The following PTPN9 variants were observed in gnomAD, a reference collection of about 807,000 sequenced individuals.
PTPN9 encodes protein tyrosine phosphatase non-receptor type 9, also known as tyrosine-protein phosphatase non-receptor type 9.
A neutral mutation model predicts 69.8 loss-of-function variants in PTPN9; 26 were observed. The ratio of observed to expected loss-of-function variants is 0.37; its 90% confidence interval spans 0.27 to 0.52. PTPN9 has a LOEUF of 0.52. Ranked by LOEUF, PTPN9 falls within the 20% of genes least tolerant of loss-of-function variation. The pLI is 0.91. For missense variants in PTPN9, 549 were observed against 740.3 expected, an observed-to-expected ratio of 0.74 and a Z score of 3.00; for synonymous variants, 274 against 272.5, an observed-to-expected ratio of 1.01 and a Z score of -0.05.
At chr15:75,541,933 A>T (rs2075010353) in intron 1 of PTPN9, among the ~76,000 whole-genome samples, 2 of 151,678 alleles carry the variant, frequency 1.3e-5, no homozygotes, top group South Asian at 4.2e-4. Context: ...AGCTACTCAG[A>T]GGCTGAGGCA....
rs555947450 is a variant in PTPN9 at position 75,501,566 on chromosome 15, G to C, written c.968+4109C>G. ...TGTGGTCTTGACCTCCCGGGCTCAA[G>C]TGATCCTCCTGCATAGCTGGGACAA... On this transcript the variant is annotated intron_variant, in intron 7 of 12. Coordinates refer to ENST00000618819, the MANE Select transcript of PTPN9 (RefSeq NM_002833.4). 8.6e-5 allele frequency among the ~76,000 whole-genome samples: 13 copies of C among 150,538 alleles called. No homozygotes were observed. In the South Asian group the frequency reaches 2.7e-3, roughly 31 times the overall value.
At chr15:75,578,187 C>T (rs934185196) in intron 1 of PTPN9, among the ~76,000 whole-genome samples, 3 of 152,172 alleles carry the variant, frequency 2.0e-5, no homozygotes, top group African/African-American at 7.2e-5. Flanking sequence ...CTTCCATAAC[C>T]TGCCCAAGTG....
intron 7 of PTPN9, among the ~76,000 whole-genome samples, chr15:75,492,047 A>T (rs1555453939): frequency 6.6e-6 from 1 of 152,014 alleles, no homozygotes; most frequent in Non-Finnish European, 1.5e-5. Context: ...TAATTTTTAA[A>T]TTTTTTGTAG....
intron 1 of PTPN9, among the ~76,000 whole-genome samples, chr15:75,532,836 T>G (rs1480709039): frequency 6.6e-6 from 1 of 152,220 alleles, no homozygotes; most frequent in African/African-American, 2.4e-5. Context: ...TTCAACAACC[T>G]TCCTTTAGAC....
At chr15:75,525,237 G>A (rs2074922405) in intron 2 of PTPN9, among the ~76,000 whole-genome samples, 1 of 149,466 alleles carries the variant, frequency 6.7e-6, no homozygotes, top group Admixed American at 6.7e-5. Context: ...GTCTCACACT[G>A]TTGCTGAGGC....
At chr15:75,531,270 C>A (rs980592439) in intron 1 of PTPN9, among the ~76,000 whole-genome samples, 1 of 151,956 alleles carries the variant, frequency 6.6e-6, no homozygotes, top group Admixed American at 6.6e-5. Flanking sequence ...ACCAGCAAAA[C>A]CAATCAGGCA....
At chr15:75,525,586 T>A (rs2074923930) in intron 2 of PTPN9, among the ~76,000 whole-genome samples, 1 of 151,552 alleles carries the variant, frequency 6.6e-6, no homozygotes, top group Non-Finnish European at 1.5e-5. Context: ...AACAAAAAAA[T>A]ATTATCTTGG....
chr15:75,530,562 T>TTATTATATTATAATATACTATAATATA (rs2074953144), intron 1 of PTPN9, among the ~76,000 whole-genome samples: 1 of 71,370 alleles, frequency 1.4e-5, no homozygotes, highest in Non-Finnish European at 2.4e-5. Flanking sequence ...ATATTATATA[T>TTATTATATTATAATATACTATAATATA]TATTATATTA....
chr15:75,564,938 C>T (rs2141342807), intron 1 of PTPN9, among the ~76,000 whole-genome samples: 1 of 151,698 alleles, frequency 6.6e-6, no homozygotes, highest in South Asian at 2.1e-4. Flanking sequence ...CCCGTCTCTA[C>T]TAAAAATACA....
At chr15:75,552,594 G>T (rs574302765) in intron 1 of PTPN9, among the ~76,000 whole-genome samples, 32 of 151,888 alleles carry the variant, frequency 2.1e-4, no homozygotes, top group African/African-American at 7.7e-4. Context: ...GCTAATGTAA[G>T]TGCTCTGAGC....
In PTPN9 at chr15:75,464,035, T is replaced by C. The variant is rs1382106554; in HGVS notation, c.*4734A>G. On this transcript the variant is annotated 3_prime_UTR_variant, in exon 13 of 13. Coordinates refer to ENST00000618819, the MANE Select transcript of PTPN9 (RefSeq NM_002833.4). ...AACTTTAAAGGCCTATAGGCTGGTC[T>C]TGGAGATGACAGAGACCTGACCTGC... 2.6e-5 allele frequency: 4 copies of C among 152,300 alleles called. No individual in the cohort carries two copies. Among genetic ancestry groups the C allele is most frequent in the African/African-American group, 9.6e-5 (4 of 41,462 alleles). 9.4% of individuals were successfully genotyped at this position (152,300 alleles called of 1,614,324 possible).
rs568531314 is a variant in PTPN9 at position 75,558,721 on chromosome 15, G to A, written c.63+19993C>T. ...TTTTTGTATTTTTTTGGTGGAGACGGGGTTTCGCTGTGTTGGCCGGGCTGG... is the reference window on the plus strand; with the variant it reads ...TTTTTGTATTTTTTTGGTGGAGACGAGGTTTCGCTGTGTTGGCCGGGCTGG... On this transcript the variant is annotated intron_variant, in intron 1 of 12. Transcript: ENST00000618819. Among the ~76,000 whole-genome samples, 4 of 152,348 alleles carry A rather than the reference G, an allele frequency of 2.6e-5. No individual in the cohort carries two copies. In the South Asian group the frequency reaches 8.3e-4, roughly 32 times the overall value.
At chr15:75,558,753 GCTC>G (rs1331316948) in intron 1 of PTPN9, among the ~76,000 whole-genome samples, 3 of 152,194 alleles carry the variant, frequency 2.0e-5, no homozygotes, top group Non-Finnish European at 4.4e-5. Flanking sequence ...CTGGTCTCCA[GCTC>G]CTAACCGCGA....
intron 12 of PTPN9, 45 bp downstream of exon 12, chr15:75,469,747 C>T: frequency 2.5e-6 from 4 of 1,588,290 alleles, no homozygotes; most frequent in Non-Finnish European, 2.6e-6. Flanking sequence ...CCTCGTCCAC[C>T]CCTACTGCCC....
chr15:75,546,579 G>A (rs1322487639), intron 1 of PTPN9, among the ~76,000 whole-genome samples: 1 of 151,746 alleles, frequency 6.6e-6, no homozygotes, highest in East Asian at 1.9e-4. Context: ...GGAGGCAGAA[G>A]TTGCAGTGAG....
intron 7 of PTPN9, among the ~76,000 whole-genome samples, chr15:75,500,501 G>A (rs1046476754): frequency 2.0e-5 from 3 of 152,008 alleles, no homozygotes; most frequent in Non-Finnish European, 4.4e-5. Context: ...TCATACCATT[G>A]CACTCCAGCC....
intron 9 of PTPN9, among the ~76,000 whole-genome samples, chr15:75,479,414 G>A (rs1055690409): frequency 6.6e-6 from 1 of 152,120 alleles, no homozygotes; most frequent in Non-Finnish European, 1.5e-5. Flanking sequence ...CTCTGTGATG[G>A]TATAGGAACC....
At chr15:75,513,128 G>C in intron 5 of PTPN9, 1 of 387,580 alleles carries the variant, frequency 2.6e-6, no homozygotes. Context: ...GGTACCCCCA[G>C]ACAGTCATGT....
At chr15:75,537,443 TAAAAAAAAAAAAA>T (rs71140168) in intron 1 of PTPN9, among the ~76,000 whole-genome samples, 6 of 20,350 alleles carry the variant, frequency 2.9e-4, no homozygotes, top group Middle Eastern at 0.042. Flanking sequence ...ATATCTTCCC[TAAAAAAAAAAAAA>T]AAAAAAAAAA....
Sources: allele counts gnomAD v4.1 joint callset (sites outside exome capture counted in the v4.1 genomes callset), GRCh38; gene constraint gnomAD v4.1.1; transcripts MANE v1.5; gene names NCBI Gene and HGNC (gene_info 2026-07-23, HGNC 2026-07-21).